Variants in SYT12 observed in about 807,000 individuals in gnomAD.
SYT12 encodes synaptotagmin 12, also known as synaptotagmin-12.
A neutral mutation model predicts 39.5 loss-of-function variants in SYT12; 27 were observed. The observed-to-expected ratio is 0.68, with a 90% CI of 0.50 to 0.94. The LOEUF (loss-of-function observed/expected upper bound fraction) is 0.94, where lower values mean the gene tolerates loss of function less well. SYT12 is among the 40% of genes least tolerant of loss of function. The pLI, the probability that SYT12 is intolerant of heterozygous loss-of-function variation, is 0.00. For synonymous variants in SYT12, 233 were observed against 239.7 expected (o/e 0.97, Z 0.26); for missense variants, 536 against 572.6 (o/e 0.94, Z 0.65).
intron 3 of SYT12, among the ~76,000 whole-genome samples, chr11:67,017,077 T>G (rs1239597235): frequency 6.6e-6 from 1 of 152,238 alleles, no homozygotes; most frequent in African/African-American, 2.4e-5. Context: ...GCTCCTTTAA[T>G]CGTCCTCCAA....
intron 4 of SYT12, among the ~76,000 whole-genome samples, chr11:67,042,652 C>T (rs1168584156): frequency 1.3e-5 from 2 of 152,152 alleles, no homozygotes; most frequent in Non-Finnish European, 2.9e-5. Context: ...CCCCCATGAG[C>T]AGGGGACAGC....
chr11:67,037,768 G>T (rs1160727434), intron 3 of SYT12, among the ~76,000 whole-genome samples: 1 of 151,580 alleles, frequency 6.6e-6, no homozygotes, highest in Non-Finnish European at 1.5e-5. Flanking sequence ...TGTAATCCCA[G>T]CTACTCAGAA....
At chr11:67,027,743 TGG>T (rs767097304) in intron 1 of SYT12, 7 of 152,224 alleles carry the variant, frequency 4.6e-5, no homozygotes, top group Non-Finnish European at 8.8e-5. Flanking sequence ...TGTTGTGCTG[TGG>T]GGTGTACTTT....
chr11:67,046,640 C>G (rs1026217826), intron 7 of SYT12, among the ~76,000 whole-genome samples: 2 of 152,232 alleles, frequency 1.3e-5, no homozygotes, highest in African/African-American at 4.8e-5. Context: ...TCCTGGGTAT[C>G]GTAGCCTTCA....
At chr11:67,007,963 T>A (rs1415695442) in intron 1 of SYT12, among the ~76,000 whole-genome samples, 3 of 151,676 alleles carry the variant, frequency 2.0e-5, no homozygotes, top group East Asian at 1.9e-4. Context: ...AACTTTTTTT[T>A]TTTTTTTTAA....
chr11:67,048,975 C>A lies in SYT12; in HGVS notation c.*218C>A. 1.8e-6 allele frequency: 1 copy of A among 541,872 alleles called. No homozygotes were observed. The highest frequency in any genetic ancestry group is 3.2e-6 in the Non-Finnish European group (1 of 311,572). 33.6% of individuals were successfully genotyped at this position (541,872 alleles called of 1,614,324 possible). ...AGGGTCTGCTCCTGCTGAGGACCAG[C>A]TGTGGCTGGGCCAGGACAGAGGACT... On this transcript the variant is annotated 3_prime_UTR_variant, in exon 8 of 8. Transcript: ENST00000527043.
upstream of SYT12, among the ~76,000 whole-genome samples, chr11:67,021,528 A>G (rs896809606): frequency 6.6e-6 from 1 of 151,880 alleles, no homozygotes; most frequent in African/African-American, 2.4e-5. Flanking sequence ...GATCCGCCCT[A>G]CCTCAGCCTC....
At chr11:67,036,432 T>C (rs183214295) in intron 3 of SYT12, among the ~76,000 whole-genome samples, 40 of 152,334 alleles carry the variant, frequency 2.6e-4, no homozygotes, top group African/African-American at 8.9e-4. Flanking sequence ...GTGTAACTGC[T>C]GTATTGGGGG....
intron 3 of SYT12, among the ~76,000 whole-genome samples, chr11:67,035,327 C>G (rs1019187536): frequency 6.8e-6 from 1 of 146,104 alleles, no homozygotes; most frequent in African/African-American, 2.6e-5. Flanking sequence ...CGTTTTCTTT[C>G]TTTCTTTTTT....
intron 7 of SYT12, among the ~76,000 whole-genome samples, chr11:67,047,874 G>A (rs1384050845): frequency 2.3e-5 from 3 of 129,742 alleles, no homozygotes; most frequent in Admixed American, 9.1e-5. Context: ...TGCAAGCTCC[G>A]CCTCCCAGGT....
intron 7 of SYT12, 46 bp from the exon 8 acceptor site, chr11:67,048,538 C>T: frequency 6.3e-7 from 1 of 1,575,320 alleles, no homozygotes; most frequent in Non-Finnish European, 8.7e-7. Context: ...CAAGAAGTAC[C>T]TCTGACTGCC....
At chr11:67,012,198 C>T (rs1950018640) in intron 3 of SYT12, among the ~76,000 whole-genome samples, 1 of 151,620 alleles carries the variant, frequency 6.6e-6, no homozygotes, top group South Asian at 2.1e-4. Flanking sequence ...TGGCGAAACC[C>T]TGTCTCTACT....
chr11:67,038,374 A>G lies in SYT12; in HGVS notation c.229-1437A>G, dbSNP rs1358759511. 1.3e-4 allele frequency among the ~76,000 whole-genome samples: 20 copies of G among 152,014 alleles called. No individual in the cohort carries two copies. In the East Asian group the frequency reaches 3.9e-3, roughly 30 times the overall value. The stretch of plus-strand genomic sequence containing the variant: ...TAGAGACGGTTTCACCATGTTGGCC[A>G]GGCTGGTCTTGAACTCCTGACCTCA... On this transcript the variant is annotated intron_variant, in intron 3 of 7. Coordinates refer to ENST00000527043, the MANE Select transcript of SYT12 (RefSeq NM_177963.4).
chr11:67,048,714 T>A lies in SYT12; in HGVS notation c.1223T>A (p.Leu408Gln). The A allele has an allele frequency of 6.2e-7, 1 of 1,608,094 alleles. No homozygotes were observed. The highest frequency in any genetic ancestry group is 8.5e-7 in the Non-Finnish European group (1 of 1,175,250). ...CATTGGAACCAGATGTTGGCCACGC[T>A]GCGCAGGCCCGTGTCCATGTGGCAC... is the stretch of plus-strand genomic sequence containing the variant. ...TTHWNQMLAT[L>Q]RRPVSMWHAV... Residue 408 changes from leucine to glutamine, a missense_variant, in exon 8 of 8, where the codon CTG becomes CAG. Transcript: ENST00000527043.
intron 3 of SYT12, among the ~76,000 whole-genome samples, chr11:67,013,862 A>C (rs1041743580): frequency 1.3e-5 from 2 of 152,212 alleles, no homozygotes; most frequent in African/African-American, 4.8e-5. Flanking sequence ...TGGAGGCCAG[A>C]GCCCAGAATC....
intron 7 of SYT12, 72 bp from the exon 8 acceptor site, chr11:67,048,512 C>A (rs1854637804): frequency 6.5e-7 from 1 of 1,532,242 alleles, no homozygotes; most frequent in Non-Finnish European, 8.9e-7. Flanking sequence ...ACATTTGTAA[C>A]CTTGAACCCA....
chr11:67,047,107 G>A (rs189085591), intron 7 of SYT12, among the ~76,000 whole-genome samples: 2 of 151,938 alleles, frequency 1.3e-5, no homozygotes, highest in Non-Finnish European at 2.9e-5. Flanking sequence ...TGGGATTACA[G>A]GCACCTGCCA....
At chr11:67,018,257 C>CT, upstream of SYT12, among the ~76,000 whole-genome samples, 1 of 151,460 alleles carries the variant, frequency 6.6e-6, no homozygotes, top group East Asian at 1.9e-4. Context: ...GAGCGAAACT[C>CT]TGTCTCAAAA....
intron 3 of SYT12, among the ~76,000 whole-genome samples, chr11:67,015,674 C>T (rs1050965413): frequency 3.3e-5 from 5 of 152,200 alleles, no homozygotes; most frequent in Non-Finnish European, 4.4e-5. Context: ...GCCTTCATGG[C>T]GTCAAGGAGG....
Sources: gnomAD v4.1 joint callset for allele counts (sites outside exome capture counted in the v4.1 genomes callset) on GRCh38, gnomAD v4.1.1 for gene constraint, MANE v1.5 for transcripts, NCBI Gene and HGNC (gene_info 2026-07-23, HGNC 2026-07-21) for gene names.